Variants in EFR3A observed in about 807,000 individuals in gnomAD.
EFR3A encodes protein EFR3 homolog A.
In EFR3A, 76 loss-of-function variants were observed where a neutral mutation model predicts 104.4. The ratio of observed to expected loss-of-function variants is 0.73; its 90% CI spans 0.60 to 0.88. EFR3A has a LOEUF of 0.88. Among genes scored for constraint, EFR3A ranks in the 40% least tolerant of loss-of-function variants. The pLI, the probability that EFR3A is intolerant of heterozygous loss-of-function variation, is 0.00. For synonymous variants in EFR3A, 330 were observed against 330.0 expected (o/e 1.00, Z 0.00); for missense variants, 985 against 1,012.5 (o/e 0.97, Z 0.37).
At position 131,922,989 on chromosome 8, in the gene EFR3A, A is replaced by G. The variant is rs146727679; in HGVS notation, c.11-17510A>G. On this transcript the variant is annotated intron_variant, in intron 1 of 22. Transcript: ENST00000254624. ...ATGCTTATTACTAATAACACTTTCT[A>G]TTGAGACAACAATGTTCTCCGCAGA... is the stretch of plus-strand genomic sequence containing the variant. Among the ~76,000 whole-genome samples, 280 of 152,304 alleles carry G rather than the reference A, an allele frequency of 1.8e-3. 2 individuals are homozygous for G. The highest frequency in any genetic ancestry group is 6.5e-3 in the African/African-American group (271 of 41,580).
In EFR3A at chr8:131,952,431, A is replaced by G. The variant is rs141011810; in HGVS notation, c.489-1387A>G. Among the ~76,000 whole-genome samples the G allele has an allele frequency of 3.6e-3, 544 of 152,122 alleles. 1 individual carries two copies. Among genetic ancestry groups the G allele is most frequent in the Non-Finnish European group, 6.1e-3 (415 of 67,998 alleles). ...GTAGCTATAGTAGCTATTGGTAGTT[A>G]CCACCAACACTGCCCTTTAACCTTG... On this transcript the variant is annotated intron_variant, in intron 5 of 22. Coordinates refer to ENST00000254624, the MANE Select transcript of EFR3A (RefSeq NM_015137.6).
rs116657732 is a variant in EFR3A at position 131,908,433 on chromosome 8, A to C, written c.10+4111A>C. ...TTTATAGGCTTAGTAGCAGTTTCCA[A>C]CTTACTGATTACTTTATGAAGACTT... On this transcript the variant is annotated intron_variant, in intron 1 of 22. Transcript: ENST00000254624. Among the ~76,000 whole-genome samples, 661 of 152,218 alleles carry C rather than the reference A, an allele frequency of 4.3e-3. 7 individuals are homozygous for C. Among genetic ancestry groups the C allele is most frequent in the African/African-American group, 0.015 (617 of 41,518 alleles).
chr8:131,990,936 T>G (rs1254491973), intron 18 of EFR3A, among the ~76,000 whole-genome samples: 2 of 152,208 alleles, frequency 1.3e-5, no homozygotes, highest in African/African-American at 2.4e-5. Context: ...TTTCATTTGC[T>G]TGTTTTTTTG....
rs191102633 is a variant in EFR3A, at chr8:131,935,669, A to G, written c.11-4830A>G. On this transcript the variant is annotated intron_variant, in intron 1 of 22. Coordinates refer to ENST00000254624, the MANE Select transcript of EFR3A (RefSeq NM_015137.6). The stretch of plus-strand genomic sequence containing the variant: ...CAAAGCCATACAGTCAGTTTCCATA[A>G]TATGAATACAATCTAAACATTCTTC... 1.6e-3 allele frequency among the ~76,000 whole-genome samples: 250 copies of G among 152,276 alleles called. 2 individuals carry two copies. Among genetic ancestry groups the G allele is most frequent in the Non-Finnish European group, 2.4e-3 (166 of 68,012 alleles).
intron 1 of EFR3A, among the ~76,000 whole-genome samples, chr8:131,932,612 T>C (rs1817663478): frequency 6.6e-6 from 1 of 152,138 alleles, no homozygotes; most frequent in Admixed American, 6.6e-5. Context: ...TTTGTTACTT[T>C]GTGTATTTAC....
intron 1 of EFR3A, among the ~76,000 whole-genome samples, chr8:131,933,075 A>C (rs898415375): frequency 6.6e-6 from 1 of 152,192 alleles, no homozygotes; most frequent in Non-Finnish European, 1.5e-5. Context: ...AAACAGTTAC[A>C]ACAATGAAAA....
chr8:131,940,373 G>T, intron 1 of EFR3A, 126 bp from the exon 2 acceptor site: 1 of 859,644 alleles, frequency 1.2e-6, no homozygotes. Flanking sequence ...ACATTTGTAT[G>T]TCTTTATTTG....
Position 131,946,064 on chromosome 8 carries a change from G to A in EFR3A, c.216-419G>A, listed in dbSNP as rs183422520. 2.4e-4 allele frequency among the ~76,000 whole-genome samples: 37 copies of A among 151,980 alleles called. No homozygotes were observed. In the East Asian group the frequency reaches 5.2e-3, roughly 21 times the overall value. ...TATGAGATTTTTAAAATAATATTAT[G>A]TTGCTGATAGTGTTTTATCTACTCA... is the stretch of plus-strand genomic sequence containing the variant. On this transcript the variant is annotated intron_variant, in intron 3 of 22. Coordinates refer to ENST00000254624, the MANE Select transcript of EFR3A (RefSeq NM_015137.6).
chr8:131,953,817 G>A lies in EFR3A; in HGVS notation c.489-1G>A. ...TTCTTCCTTTTTTTTTTTTTTTATA[G>A]GATACGAATTGCTGGAATTAGAGGT... On this transcript the variant is annotated splice_acceptor_variant, in intron 5 of 22. Coordinates refer to ENST00000254624, the MANE Select transcript of EFR3A (RefSeq NM_015137.6). LOFTEE classifies it high-confidence loss of function. The A allele has an allele frequency of 6.8e-7, 1 of 1,469,146 alleles. No individual in the cohort carries two copies. 91.0% of individuals were successfully genotyped at this position (1,469,146 alleles called of 1,614,324 possible). A position where few individuals can be genotyped will look rare whatever the true frequency, so the allele number is the denominator to read the frequency against.
intron 5 of EFR3A, among the ~76,000 whole-genome samples, chr8:131,952,510 C>T (rs1284032363): frequency 1.3e-5 from 2 of 152,122 alleles, no homozygotes; most frequent in African/African-American, 4.8e-5. Context: ...TCTCACAAGG[C>T]ATGATAAAAG....
intron 9 of EFR3A, among the ~76,000 whole-genome samples, chr8:131,969,361 G>T (rs1202256513): frequency 6.6e-6 from 1 of 152,044 alleles, no homozygotes; most frequent in Non-Finnish European, 1.5e-5. Context: ...ACCTAACTCT[G>T]CAGGTACTCA....
chr8:131,984,191 A>G lies in EFR3A; in HGVS notation c.1628A>G (p.Asn543Ser). 1.9e-6 allele frequency: 3 copies of G among 1,612,606 alleles called. No homozygotes were observed. The highest frequency in any genetic ancestry group is 1.7e-5 in the Admixed American group (1 of 59,844). Residue 543 changes from asparagine (N) to serine (S), a missense_variant, in exon 15 of 23, where the codon AAC (asparagine) becomes AGC (serine). Transcript: ENST00000254624. ...TATTTGGGTTGTAAAGAGGAAGACAACGTTCAGAAAAACTATGAACTACTT... is the reference window on the plus strand; with the variant it reads ...TATTTGGGTTGTAAAGAGGAAGACAGCGTTCAGAAAAACTATGAACTACTT... ...HIYLGCKEED[N>S]VQKNYELLYT...
At chr8:131,926,424 TAA>T (rs1037974465) in intron 1 of EFR3A, among the ~76,000 whole-genome samples, 1 of 151,972 alleles carries the variant, frequency 6.6e-6, no homozygotes, top group Admixed American at 6.6e-5. Flanking sequence ...ATTGAAGAAA[TAA>T]AAAAAATTTG....
chr8:131,991,825 G>A (rs1821202210), intron 18 of EFR3A, among the ~76,000 whole-genome samples: 1 of 152,124 alleles, frequency 6.6e-6, no homozygotes, highest in African/African-American at 2.4e-5. Context: ...GTTGGGGGGT[G>A]AGAAGGCAGG....
chr8:131,990,203 T>C (rs1337310945), intron 18 of EFR3A, among the ~76,000 whole-genome samples: 1 of 152,206 alleles, frequency 6.6e-6, no homozygotes, highest in African/African-American at 2.4e-5. Context: ...AGCAGCTGAT[T>C]TGGTATTATT....
chr8:131,914,125 G>A (rs1453745391), intron 1 of EFR3A, among the ~76,000 whole-genome samples: 2 of 152,180 alleles, frequency 1.3e-5, no homozygotes, highest in Non-Finnish European at 2.9e-5. Flanking sequence ...GCTGGCTCTA[G>A]AAGGGCATCT....
chr8:132,003,788 G>T (rs1204259972), intron 22 of EFR3A, among the ~76,000 whole-genome samples: 1 of 152,056 alleles, frequency 6.6e-6, no homozygotes, highest in African/African-American at 2.4e-5. Context: ...TATGCTCTTT[G>T]ATTATCCTAT....
chr8:132,006,058 C>T (rs78105892), intron 22 of EFR3A, among the ~76,000 whole-genome samples: 3,317 of 152,160 alleles, frequency 0.022, 57 homozygotes, highest in Middle Eastern at 0.044. Flanking sequence ...ACTGAAAATA[C>T]CTATCAAAGT....
chr8:132,002,557 G>C (rs1406667489), intron 20 of EFR3A, 46 bp from the exon 21 acceptor site: 2 of 1,505,728 alleles, frequency 1.3e-6, no homozygotes, highest in South Asian at 1.2e-5. Flanking sequence ...TGGGTTCTGT[G>C]AAATTATGTA....
Sources: allele counts gnomAD v4.1 joint callset (sites outside exome capture counted in the v4.1 genomes callset), GRCh38; gene constraint gnomAD v4.1.1; transcripts MANE v1.5; gene names NCBI Gene and HGNC (gene_info 2026-07-23, HGNC 2026-07-21).